HS2ST1: variants seen among roughly 807,000 people sequenced by gnomAD.
HS2ST1 encodes the protein heparan sulfate 2-O-sulfotransferase 1, also known as 2-O-sulfotransferase.
In HS2ST1, 18 loss-of-function variants were observed where a neutral mutation model predicts 42.9. The observed-to-expected ratio is 0.42, with a 90% CI of 0.29 to 0.62. HS2ST1 has a LOEUF of 0.62. Ranked by LOEUF, HS2ST1 falls within the 20% of genes least tolerant of loss-of-function variation. The pLI is 0.21. For missense variants in HS2ST1, 334 were observed against 433.8 expected, an observed-to-expected ratio of 0.77 and a Z score of 2.04; for synonymous variants, 146 against 152.9, an observed-to-expected ratio of 0.95 and a Z score of 0.33.
chr1:87,017,720 G>A (rs541165392), intron 1 of HS2ST1, among the ~76,000 whole-genome samples: 2 of 151,048 alleles, frequency 1.3e-5, no homozygotes, highest in South Asian at 2.1e-4. Context: ...TCTGGTTTAG[G>A]CCTATGTTTG....
chr1:86,965,811 G>C (rs1648030839), intron 1 of HS2ST1, among the ~76,000 whole-genome samples: 1 of 152,078 alleles, frequency 6.6e-6, no homozygotes, highest in African/African-American at 2.4e-5. Flanking sequence ...TAGAAATACA[G>C]GAGTATTTCT....
At chr1:87,066,813 A>C (rs902702201) in intron 1 of HS2ST1, among the ~76,000 whole-genome samples, 2 of 151,900 alleles carry the variant, frequency 1.3e-5, no homozygotes, top group African/African-American at 4.8e-5. Context: ...TATGAGTGAG[A>C]ACATGTGGTG....
intron 1 of HS2ST1, among the ~76,000 whole-genome samples, chr1:87,053,607 G>A (rs1570515324): frequency 6.6e-6 from 1 of 152,104 alleles, no homozygotes. Context: ...TAGTAGTAAG[G>A]TCCAGCTGCG....
At chr1:86,990,311 T>C (rs1648904875) in intron 1 of HS2ST1, among the ~76,000 whole-genome samples, 1 of 152,172 alleles carries the variant, frequency 6.6e-6, no homozygotes, top group South Asian at 2.1e-4. Context: ...TTGTGAACAT[T>C]TGCTGCTTCT....
chr1:87,035,484 T>C (rs1286994001), intron 1 of HS2ST1, among the ~76,000 whole-genome samples: 3 of 152,226 alleles, frequency 2.0e-5, no homozygotes, highest in Non-Finnish European at 4.4e-5. Flanking sequence ...TAGAAGATTT[T>C]CTGATGTTTG....
At chr1:86,975,058 GTTA>G (rs914243129) in intron 1 of HS2ST1, among the ~76,000 whole-genome samples, 16 of 152,200 alleles carry the variant, frequency 1.1e-4, no homozygotes, top group African/African-American at 3.4e-4. Context: ...GCTCCTGAAA[GTTA>G]TTATTTGGTA....
intron 1 of HS2ST1, among the ~76,000 whole-genome samples, chr1:87,029,741 T>C (rs760325846): frequency 7.9e-5 from 12 of 152,298 alleles, no homozygotes; most frequent in Non-Finnish European, 1.5e-4. Flanking sequence ...GTACCTAATT[T>C]AGCTAGAGCA....
intron 1 of HS2ST1, among the ~76,000 whole-genome samples, chr1:86,945,871 C>A (rs1406086402): frequency 6.6e-6 from 1 of 152,084 alleles, no homozygotes. Context: ...GAGTTTGAGA[C>A]CACCCTGGGC....
intron 1 of HS2ST1, among the ~76,000 whole-genome samples, chr1:86,925,737 G>T (rs1217664125): frequency 6.6e-6 from 1 of 152,046 alleles, no homozygotes; most frequent in African/African-American, 2.4e-5. Flanking sequence ...ATTTGGGTGG[G>T]GACACAGCCA....
At chr1:86,999,824 G>A (rs1649227436) in intron 1 of HS2ST1, among the ~76,000 whole-genome samples, 1 of 152,124 alleles carries the variant, frequency 6.6e-6, no homozygotes, top group South Asian at 2.1e-4. Context: ...TAACCCTAGA[G>A]TAGGTATGGA....
chr1:86,974,028 G>C (rs544968546), intron 1 of HS2ST1, among the ~76,000 whole-genome samples: 1 of 152,270 alleles, frequency 6.6e-6, no homozygotes, highest in Non-Finnish European at 1.5e-5. Context: ...AGTTGTAGGA[G>C]TACTGTCCTA....
chr1:86,928,763 A>C (rs184541030), intron 1 of HS2ST1, among the ~76,000 whole-genome samples: 12 of 152,120 alleles, frequency 7.9e-5, no homozygotes, highest in Admixed American at 6.5e-4. Context: ...TCCTACTTTG[A>C]AGGTTAAAAC....
At chr1:86,916,330 A>T (rs994838651) in intron 1 of HS2ST1, among the ~76,000 whole-genome samples, 1 of 152,236 alleles carries the variant, frequency 6.6e-6, no homozygotes, top group Non-Finnish European at 1.5e-5. Flanking sequence ...CAAAAACAAA[A>T]ACAAAAAACC....
At chr1:87,077,911 A>G (rs1398322556) in intron 2 of HS2ST1, among the ~76,000 whole-genome samples, 2 of 152,190 alleles carry the variant, frequency 1.3e-5, no homozygotes, top group African/African-American at 4.8e-5. Flanking sequence ...CAGGTTGAAC[A>G]GCACAGCTCT....
At chr1:86,915,243 A>C in intron 1 of HS2ST1, 83 bp downstream of exon 1, 1 of 1,487,698 alleles carries the variant, frequency 6.7e-7, no homozygotes, top group Non-Finnish European at 9.0e-7. Flanking sequence ...GCGTTCATCT[A>C]ACCTGGGGTC....
At chr1:87,046,095 G>A in intron 1 of HS2ST1, 3 of 669,496 alleles carry the variant, frequency 4.5e-6, no homozygotes, top group Non-Finnish European at 8.6e-6. Flanking sequence ...CTATAATGTG[G>A]CATATTTTTG....
At chr1:87,081,333 T>C (rs1479810031) in intron 2 of HS2ST1, among the ~76,000 whole-genome samples, 1 of 151,828 alleles carries the variant, frequency 6.6e-6, no homozygotes, top group African/African-American at 2.4e-5. Context: ...CTTTAAAAGT[T>C]CAAAAAAAAA....
At chr1:87,097,720 AT>A (rs1652102330) in intron 4 of HS2ST1, 117 bp from the exon 5 acceptor site, 3 of 1,155,220 alleles carry the variant, frequency 2.6e-6, no homozygotes, top group African/African-American at 3.1e-5. Flanking sequence ...TCCAAAAAAA[AT>A]AAGAGTGTCT....
chr1:87,031,052 A>G (rs1226580735), intron 1 of HS2ST1, among the ~76,000 whole-genome samples: 3 of 151,870 alleles, frequency 2.0e-5, no homozygotes, highest in African/African-American at 7.3e-5. Context: ...CGATCCTTTC[A>G]CCTCAGCCTC....
Sources: gnomAD v4.1 joint callset for allele counts (sites outside exome capture counted in the v4.1 genomes callset) on GRCh38, gnomAD v4.1.1 for gene constraint, MANE v1.5 for transcripts, NCBI Gene and HGNC (gene_info 2026-07-23, HGNC 2026-07-21) for gene names.